MTIF2: variants seen among roughly 807,000 people sequenced by gnomAD.
MTIF2 encodes the protein translation initiation factor IF-2, mitochondrial.
Under a neutral mutation model 83.5 loss-of-function variants are expected in MTIF2, and 71 were observed. That is an observed-to-expected ratio of 0.85 (90% CI 0.70 to 1.04). MTIF2 has a LOEUF of 1.04. MTIF2 is among the 50% of genes least tolerant of loss of function. MTIF2 has a pLI of 0.00. For synonymous variants in MTIF2, 319 were observed against 287.1 expected (o/e 1.11, Z -1.12); for missense variants, 957 against 846.5 (o/e 1.13, Z -1.62).
chr2:55,262,273 T>G (rs772868113), intron 5 of MTIF2, 43 bp downstream of exon 5: 3 of 1,365,856 alleles, frequency 2.2e-6, no homozygotes, highest in South Asian at 2.4e-5. Context: ...TGCCCGGTCT[T>G]CCAACATTCC....
Position 55,262,860 on chromosome 2 carries a change from C to A in MTIF2, c.220-433G>T, listed in dbSNP as rs552675864. On this transcript the variant is annotated intron_variant, in intron 4 of 15. Coordinates refer to ENST00000263629, the MANE Select transcript of MTIF2 (RefSeq NM_002453.3). Reference sequence around the variant, plus strand: ...TCTCCTGCCTCAGCCTCCTGAGTAGCTGGGACTACAGGCATGCGCCACCAT... The same window carrying A: ...TCTCCTGCCTCAGCCTCCTGAGTAGATGGGACTACAGGCATGCGCCACCAT... Among the ~76,000 whole-genome samples, 6 of 152,320 alleles carry A rather than the reference C, an allele frequency of 3.9e-5. No individual in the cohort carries two copies. The South Asian group carries it at 1.2e-3, about 32-fold the overall frequency.
At chr2:55,262,082 C>T (rs879677220) in intron 5 of MTIF2, among the ~76,000 whole-genome samples, 88 of 152,120 alleles carry the variant, frequency 5.8e-4, no homozygotes, top group African/African-American at 1.6e-3. Flanking sequence ...AAACTTAATT[C>T]GTATAAGAAA....
chr2:55,238,973 G>A (rs1676099624), intron 14 of MTIF2, among the ~76,000 whole-genome samples: 1 of 152,112 alleles, frequency 6.6e-6, no homozygotes, highest in African/African-American at 2.4e-5. Flanking sequence ...ATCTCATCAT[G>A]GGGAAACACT....
chr2:55,256,119 C>T (rs1180324499), intron 5 of MTIF2, among the ~76,000 whole-genome samples: 1 of 152,154 alleles, frequency 6.6e-6, no homozygotes. Flanking sequence ...AGGTGATCCG[C>T]CTGCCTCGGC....
rs1458679734 is a variant in MTIF2, at chr2:55,240,184, CAG to C, written c.1706-11_1706-10del. Reference sequence around the variant, plus strand: ...AAAGCCATATATAACACCTAGCAAACAGAAATATGATCAATGAAGTAGCACAA... The same window carrying C: ...AAAGCCATATATAACACCTAGCAAACAAATATGATCAATGAAGTAGCACAA... On this transcript the variant is annotated splice_polypyrimidine_tract_variant and intron_variant, in intron 13 of 15. Transcript: ENST00000263629. 4.4e-6 allele frequency: 7 copies of C among 1,598,808 alleles called. No individual in the cohort carries two copies. Among genetic ancestry groups the C allele is most frequent in the African/African-American group, 2.7e-5 (2 of 74,650 alleles).
chr2:55,243,333 G>A (rs1184002803), intron 12 of MTIF2, 83 bp downstream of exon 12: 2 of 1,289,918 alleles, frequency 1.6e-6, no homozygotes, highest in Non-Finnish European at 1.1e-6. Flanking sequence ...TAATTTTCAT[G>A]TAAATGTAAA....
intron 3 of MTIF2, among the ~76,000 whole-genome samples, chr2:55,264,196 A>T (rs1678254051): frequency 6.6e-6 from 1 of 152,194 alleles, no homozygotes; most frequent in Admixed American, 6.5e-5. Flanking sequence ...TAAAGTGCGA[A>T]TTCCAAATGA....
chr2:55,262,027 A>G (rs1433835390), intron 5 of MTIF2, among the ~76,000 whole-genome samples: 1 of 152,078 alleles, frequency 6.6e-6, no homozygotes, highest in Non-Finnish European at 1.5e-5. Context: ...GTCTAAAAAC[A>G]TTCTTTGGAT....
chr2:55,238,841 T>C (rs1409194967), intron 14 of MTIF2, among the ~76,000 whole-genome samples: 1 of 152,228 alleles, frequency 6.6e-6, no homozygotes, highest in African/African-American at 2.4e-5. Context: ...GAAACCCTCA[T>C]GACTCAGTTT....
intron 5 of MTIF2, among the ~76,000 whole-genome samples, chr2:55,261,463 C>T (rs1387819249): frequency 2.0e-5 from 3 of 151,598 alleles, no homozygotes; most frequent in Admixed American, 6.6e-5. Context: ...AAAAATTAGC[C>T]GGGCGTGGTT....
intron 9 of MTIF2, among the ~76,000 whole-genome samples, chr2:55,247,503 G>A (rs926203683): frequency 1.1e-4 from 16 of 152,296 alleles, no homozygotes; most frequent in African/African-American, 3.6e-4. Flanking sequence ...AGTGAGCCAA[G>A]ATCATGCCAC....
chr2:55,243,384 T>A lies in MTIF2; in HGVS notation c.1564+32A>T, dbSNP rs755884273. The A allele has an allele frequency of 4.6e-6, 7 of 1,533,330 alleles. No individual in the cohort carries two copies. In the South Asian group the frequency reaches 6.1e-5, roughly 13 times the overall value. 95.0% of individuals were successfully genotyped at this position (1,533,330 alleles called of 1,614,324 possible). A position where few individuals can be genotyped will look rare whatever the true frequency, so the allele number is the denominator to read the frequency against. ...AATAAAAAAACATATATTCAAAGAA[T>A]GAACTGTAATGTAAAATCTTTAAAA... On this transcript the variant is annotated intron_variant, in intron 12 of 15. Coordinates refer to ENST00000263629, the MANE Select transcript of MTIF2 (RefSeq NM_002453.3).
rs528828821 is a variant in MTIF2 at position 55,244,301 on chromosome 2, T to C, written c.1107-68A>G. ...TTTAAGTAGAGCAAAGATATCTTTATGAAGTTTAAGTTATATAAACATGTG... is the reference window on the plus strand; with the variant it reads ...TTTAAGTAGAGCAAAGATATCTTTACGAAGTTTAAGTTATATAAACATGTG... On this transcript the variant is annotated intron_variant, in intron 10 of 15. Transcript: ENST00000263629. 55 of 1,220,930 alleles carry C rather than the reference T, an allele frequency of 4.5e-5. No homozygotes were observed. In the South Asian group the frequency reaches 6.9e-4, roughly 15 times the overall value. 75.6% of individuals were successfully genotyped at this position (1,220,930 alleles called of 1,614,324 possible). A position where few individuals can be genotyped will look rare whatever the true frequency, so the allele number is the denominator to read the frequency against.
intron 5 of MTIF2, among the ~76,000 whole-genome samples, chr2:55,260,934 C>T (rs1677919252): frequency 6.6e-6 from 1 of 151,970 alleles, no homozygotes; most frequent in Non-Finnish European, 1.5e-5. Context: ...CAATAATATG[C>T]TCCATTTATA....
At chr2:55,266,040 G>A (rs1281923851) in intron 3 of MTIF2, among the ~76,000 whole-genome samples, 4 of 151,988 alleles carry the variant, frequency 2.6e-5, no homozygotes, top group Non-Finnish European at 5.9e-5. Context: ...TTTTATATAA[G>A]GAACTTGGAC....
intron 8 of MTIF2, 78 bp downstream of exon 8, chr2:55,252,399 A>C: frequency 1.6e-6 from 2 of 1,235,186 alleles, no homozygotes; most frequent in Non-Finnish European, 2.3e-6. Flanking sequence ...ATTGTTGTGA[A>C]GACTAAATGA....
intron 3 of MTIF2, among the ~76,000 whole-genome samples, chr2:55,267,101 G>A (rs920882665): frequency 2.8e-4 from 42 of 150,600 alleles, no homozygotes; most frequent in Non-Finnish European, 5.8e-4. Flanking sequence ...TCTTCCCAAA[G>A]TGTATTTTAT....
intron 5 of MTIF2, among the ~76,000 whole-genome samples, chr2:55,257,033 T>C (rs1228319822): frequency 5.3e-5 from 8 of 152,090 alleles, no homozygotes; most frequent in Admixed American, 1.3e-4. Flanking sequence ...TATTTACTTA[T>C]TCTCTTTTTC....
At chr2:55,260,988 ATTTC>A (rs1677923061) in intron 5 of MTIF2, among the ~76,000 whole-genome samples, 2 of 151,076 alleles carry the variant, frequency 1.3e-5, no homozygotes, top group South Asian at 2.1e-4. Flanking sequence ...TACTACCAGT[ATTTC>A]TTTTTTTTTT....
Sources: allele counts gnomAD v4.1 joint callset (sites outside exome capture counted in the v4.1 genomes callset), GRCh38; gene constraint gnomAD v4.1.1; transcripts MANE v1.5; gene names NCBI Gene and HGNC (gene_info 2026-07-23, HGNC 2026-07-21).